The following IMPG1 variants were observed in gnomAD, a reference collection of about 807,000 sequenced individuals.
The protein encoded by IMPG1 is interphotoreceptor matrix proteoglycan 1.
A neutral mutation model predicts 92.0 loss-of-function variants in IMPG1; 85 were observed. That is an observed-to-expected ratio of 0.92 (90% CI 0.78 to 1.11). The LOEUF (loss-of-function observed/expected upper bound fraction) is 1.11. Ranked by LOEUF, IMPG1 falls within the 50% of genes least tolerant of loss-of-function variation. IMPG1 has a pLI of 0.00. For missense variants in IMPG1, 1,022 were observed against 956.0 expected (o/e 1.07, Z -0.91); for synonymous variants, 367 against 334.1 (o/e 1.10, Z -1.08).
At chr6:76,049,798 G>C (rs568966144) in intron 1 of IMPG1, among the ~76,000 whole-genome samples, 32 of 152,278 alleles carry the variant, frequency 2.1e-4, no homozygotes, top group African/African-American at 7.2e-4. Flanking sequence ...AAAGTATTTA[G>C]GGGGGCATAA....
chr6:75,998,306 G>T (rs1782933441), intron 12 of IMPG1, among the ~76,000 whole-genome samples: 1 of 152,130 alleles, frequency 6.6e-6, no homozygotes, highest in Non-Finnish European at 1.5e-5. Context: ...ATAGCATCTG[G>T]CTGGACACTG....
chr6:75,924,103 T>C (rs2149447109), intron 15 of IMPG1, among the ~76,000 whole-genome samples: 1 of 152,026 alleles, frequency 6.6e-6, no homozygotes, highest in East Asian at 1.9e-4. Context: ...ACAAATGTTA[T>C]CGAGGATGTG....
chr6:75,988,845 G>A (rs1782767599), intron 12 of IMPG1, among the ~76,000 whole-genome samples: 1 of 152,128 alleles, frequency 6.6e-6, no homozygotes, highest in Admixed American at 6.5e-5. Flanking sequence ...TGTGTCCCCA[G>A]CATTGATGTT....
intron 1 of IMPG1, among the ~76,000 whole-genome samples, chr6:76,062,293 C>A (rs1240749078): frequency 6.6e-6 from 1 of 152,160 alleles, no homozygotes; most frequent in Non-Finnish European, 1.5e-5. Flanking sequence ...TAATTAGTAA[C>A]AATTAGTTTT....
intron 4 of IMPG1, among the ~76,000 whole-genome samples, chr6:76,026,505 T>C (rs993342010): frequency 2.0e-5 from 3 of 152,280 alleles, no homozygotes; most frequent in East Asian, 1.9e-4. Flanking sequence ...AGCTCCCCGC[T>C]GCTCTCCCCT....
chr6:75,936,744 C>T (rs932338911), intron 14 of IMPG1, among the ~76,000 whole-genome samples: 4 of 152,180 alleles, frequency 2.6e-5, no homozygotes, highest in African/African-American at 9.6e-5. Context: ...CAGAGGTGTT[C>T]TGGATGGATT....
At chr6:76,062,818 T>C (rs1420087110) in intron 1 of IMPG1, among the ~76,000 whole-genome samples, 1 of 151,416 alleles carries the variant, frequency 6.6e-6, no homozygotes, top group African/African-American at 2.4e-5. Flanking sequence ...TCTAAGATAC[T>C]TATGAAATAA....
intron 14 of IMPG1, among the ~76,000 whole-genome samples, chr6:75,941,713 G>T (rs956333701): frequency 4.6e-5 from 7 of 152,148 alleles, no homozygotes; most frequent in Non-Finnish European, 7.3e-5. Context: ...AATGATTGTA[G>T]TTTCTGTTTT....
At chr6:75,986,182 C>A (rs1174720384) in intron 12 of IMPG1, among the ~76,000 whole-genome samples, 1 of 151,766 alleles carries the variant, frequency 6.6e-6, no homozygotes, top group African/African-American at 2.4e-5. Flanking sequence ...ATCTTGAGTC[C>A]TGAGGTTTTG....
chr6:75,955,130 T>C (rs1782096502), intron 12 of IMPG1, among the ~76,000 whole-genome samples: 1 of 152,230 alleles, frequency 6.6e-6, no homozygotes. Flanking sequence ...TTTAAAGTGT[T>C]TTTTTCTAAT....
intron 1 of IMPG1, among the ~76,000 whole-genome samples, chr6:76,052,249 T>C (rs74545238): frequency 0.023 from 3,459 of 152,246 alleles, 116 homozygotes; most frequent in African/African-American, 0.076. Context: ...TTTTCAACTG[T>C]ACCCAGAACA....
chr6:75,960,719 A>G (rs988566155), intron 12 of IMPG1, among the ~76,000 whole-genome samples: 1 of 152,364 alleles, frequency 6.6e-6, no homozygotes, highest in East Asian at 1.9e-4. Flanking sequence ...TGAAAAAATT[A>G]GACATAGTAG....
At chr6:75,968,881 C>A (rs1782355522) in intron 12 of IMPG1, among the ~76,000 whole-genome samples, 2 of 152,126 alleles carry the variant, frequency 1.3e-5, no homozygotes, top group Admixed American at 1.3e-4. Flanking sequence ...GCAAGCAATA[C>A]ATTTATTTTC....
chr6:76,030,325 C>T (rs1040158960), intron 4 of IMPG1, among the ~76,000 whole-genome samples: 2 of 151,628 alleles, frequency 1.3e-5, no homozygotes, highest in Non-Finnish European at 2.9e-5. Context: ...GCTTTTCATT[C>T]TCTCTCTCAT....
intron 9 of IMPG1, among the ~76,000 whole-genome samples, chr6:76,005,904 A>T (rs1011925594): frequency 6.6e-6 from 1 of 150,814 alleles, no homozygotes; most frequent in Non-Finnish European, 1.5e-5. Flanking sequence ...TGGCATGGTC[A>T]TGGCTCACTG....
chr6:75,977,601 A>C (rs1360898446), intron 12 of IMPG1, among the ~76,000 whole-genome samples: 4 of 147,544 alleles, frequency 2.7e-5, no homozygotes, highest in African/African-American at 5.0e-5. Flanking sequence ...AAAAAAAAAA[A>C]CAAAAAAAAA....
At chr6:76,020,145 C>A (rs573019994) in intron 6 of IMPG1, among the ~76,000 whole-genome samples, 6 of 152,220 alleles carry the variant, frequency 3.9e-5, no homozygotes, top group African/African-American at 1.4e-4. Flanking sequence ...CTCAACCTCC[C>A]GGGCTCAAGC....
chr6:76,054,242 C>T (rs1405342585), intron 1 of IMPG1, among the ~76,000 whole-genome samples: 2 of 151,936 alleles, frequency 1.3e-5, no homozygotes, highest in Admixed American at 1.3e-4. Flanking sequence ...TGCAGAGAGC[C>T]TGGCACATTG....
At chr6:76,030,234 T>C (rs1031920663) in intron 4 of IMPG1, among the ~76,000 whole-genome samples, 16 of 152,108 alleles carry the variant, frequency 1.1e-4, no homozygotes, top group Non-Finnish European at 1.2e-4. Context: ...TTGATGGGTG[T>C]AAGCTGCTTT....
Sources: allele counts gnomAD v4.1 joint callset (sites outside exome capture counted in the v4.1 genomes callset), GRCh38; gene constraint gnomAD v4.1.1; transcripts MANE v1.5; gene names NCBI Gene and HGNC (gene_info 2026-07-23, HGNC 2026-07-21).